ATF7IP: variants seen among roughly 807,000 people sequenced by gnomAD.
The protein encoded by ATF7IP is activating transcription factor 7-interacting protein 1.
ATF7IP carries 23 observed loss-of-function variants against 106.4 expected under a neutral mutation model. The ratio of observed to expected loss-of-function variants is 0.22; its 90% confidence interval spans 0.16 to 0.31. The LOEUF is 0.31. Among genes scored for constraint, ATF7IP ranks in the 10% least tolerant of loss-of-function variants. ATF7IP has a pLI of 1.00. For synonymous variants in ATF7IP, 542 were observed against 539.0 expected (o/e 1.01, Z -0.08); for missense variants, 1,334 against 1,524.3 (o/e 0.88, Z 2.08).
At chr12:14,440,884 G>A (rs11055974) in intron 5 of ATF7IP, among the ~76,000 whole-genome samples, 13 of 152,088 alleles carry the variant, frequency 8.5e-5, no homozygotes, top group African/African-American at 2.4e-4. Context: ...AGCTTAATCT[G>A]TGTTTGTAGC....
intron 10 of ATF7IP, among the ~76,000 whole-genome samples, chr12:14,469,531 A>G (rs1241087136): frequency 1.3e-5 from 2 of 151,592 alleles, no homozygotes; most frequent in Non-Finnish European, 2.9e-5. Flanking sequence ...ATAATTTATT[A>G]TTGTATATTT....
intron 1 of ATF7IP, among the ~76,000 whole-genome samples, chr12:14,416,229 T>C (rs1941200134): frequency 2.0e-5 from 3 of 151,968 alleles, no homozygotes; most frequent in Admixed American, 2.0e-4. Flanking sequence ...AATAGCAGAG[T>C]TGCATTTCTA....
intron 1 of ATF7IP, among the ~76,000 whole-genome samples, chr12:14,369,509 C>T (rs1938447713): frequency 6.6e-6 from 1 of 151,962 alleles, no homozygotes; most frequent in East Asian, 1.9e-4. Flanking sequence ...ACCACCATGC[C>T]CTGCTTTTAG....
At chr12:14,456,512 C>T in intron 6 of ATF7IP, 49 bp from the exon 7 acceptor site, 2 of 1,328,882 alleles carry the variant, frequency 1.5e-6, no homozygotes, top group East Asian at 2.3e-5. Context: ...TTTAAAGATT[C>T]CCTGTGTGTT....
intron 5 of ATF7IP, among the ~76,000 whole-genome samples, chr12:14,443,212 A>G (rs1942795669): frequency 1.3e-5 from 2 of 152,158 alleles, no homozygotes; most frequent in South Asian, 4.1e-4. Context: ...ATAGTCAAAG[A>G]TCTATTTCTG....
At chr12:14,454,654 A>G (rs1285699637) in intron 6 of ATF7IP, among the ~76,000 whole-genome samples, 1 of 152,106 alleles carries the variant, frequency 6.6e-6, no homozygotes, top group African/African-American at 2.4e-5. Flanking sequence ...CTCTCAACTA[A>G]TTTGTGGAAA....
intron 9 of ATF7IP, among the ~76,000 whole-genome samples, chr12:14,464,176 G>T (rs949776339): frequency 6.6e-6 from 1 of 152,114 alleles, no homozygotes; most frequent in Non-Finnish European, 1.5e-5. Flanking sequence ...GCTTGGCATG[G>T]TGATACATGC....
Position 14,478,318 on chromosome 12 carries a change from C to A in ATF7IP, c.2943C>A (p.Asp981Glu), listed in dbSNP as rs1340821840. Residue 981 changes from aspartate to glutamate, a missense_variant and splice_region_variant, in exon 12 of 15, where the codon GAC becomes GAA. This residue lies in a region of ATF7IP where 370 missense variants were observed against 401.2 expected (regional missense o/e 0.92). Transcript: ENST00000261168. ...MDDEESGASQDPKKLNHTPVS... is the reference protein window; with the variant it reads ...MDDEESGASQEPKKLNHTPVS... ...TAATATTTCACTTTTAACTAACAGA[C>A]CCCAAAAAACTAAATCACACTCCTG... 3 of 1,613,490 alleles carry A rather than the reference C, an allele frequency of 1.9e-6. No individual in the cohort carries two copies. Among genetic ancestry groups the A allele is most frequent in the Non-Finnish European group, 2.5e-6 (3 of 1,179,614 alleles).
intron 1 of ATF7IP, among the ~76,000 whole-genome samples, chr12:14,379,281 T>A (rs776861987): frequency 9.2e-5 from 14 of 152,088 alleles, no homozygotes; most frequent in Non-Finnish European, 1.6e-4. Context: ...ATGCTCCCCC[T>A]TTGCCTTCCA....
intron 1 of ATF7IP, among the ~76,000 whole-genome samples, chr12:14,410,594 T>C (rs1940858483): frequency 6.6e-6 from 1 of 152,096 alleles, no homozygotes; most frequent in Non-Finnish European, 1.5e-5. Flanking sequence ...TTTGACTTAA[T>C]AAAGGAAAGA....
At chr12:14,370,454 A>G (rs916840988) in intron 1 of ATF7IP, among the ~76,000 whole-genome samples, 10 of 151,994 alleles carry the variant, frequency 6.6e-5, no homozygotes, top group African/African-American at 2.4e-4. Flanking sequence ...TCACAATTCT[A>G]TTTTACAATT....
intron 6 of ATF7IP, among the ~76,000 whole-genome samples, chr12:14,447,618 C>T (rs1218333138): frequency 2.0e-5 from 3 of 152,070 alleles, no homozygotes; most frequent in Admixed American, 6.6e-5. Context: ...TATTTTCTGT[C>T]CATCTTTAAA....
chr12:14,419,024 T>C (rs1250609793), intron 1 of ATF7IP: 1 of 152,172 alleles, frequency 6.6e-6, no homozygotes, highest in Non-Finnish European at 1.5e-5. Context: ...AAAAACATTA[T>C]CCTGAATATT....
intron 8 of ATF7IP, among the ~76,000 whole-genome samples, chr12:14,458,825 A>G (rs75341537): frequency 6.8e-6 from 1 of 146,284 alleles, no homozygotes; most frequent in Non-Finnish European, 1.5e-5. Flanking sequence ...CTTGTCTTAG[A>G]AAAAAAAAAA....
intron 13 of ATF7IP, among the ~76,000 whole-genome samples, chr12:14,490,600 C>A (rs552125858): frequency 2.0e-5 from 3 of 152,246 alleles, no homozygotes; most frequent in East Asian, 3.9e-4. Context: ...TGTGTACTTG[C>A]CGGTGGTGCC....
At chr12:14,488,977 A>G (rs779255069) in intron 13 of ATF7IP, among the ~76,000 whole-genome samples, 4 of 152,238 alleles carry the variant, frequency 2.6e-5, no homozygotes, top group South Asian at 2.1e-4. Context: ...CATTTCTGCA[A>G]CTGGTCACAT....
At chr12:14,373,645 T>C (rs1016131824) in intron 1 of ATF7IP, among the ~76,000 whole-genome samples, 7 of 152,212 alleles carry the variant, frequency 4.6e-5, no homozygotes. Flanking sequence ...TATTAATGAA[T>C]AGCATTTTCT....
intron 10 of ATF7IP, 130 bp downstream of exon 10, chr12:14,466,720 A>C: frequency 1.0e-4 from 75 of 716,646 alleles, no homozygotes; most frequent in East Asian, 4.3e-4. Flanking sequence ...ACATTGTCTC[A>C]CAGCTTCTCT....
chr12:14,478,996 C>T (rs1467623797), intron 12 of ATF7IP, among the ~76,000 whole-genome samples: 2 of 152,102 alleles, frequency 1.3e-5, no homozygotes, highest in Admixed American at 6.5e-5. Flanking sequence ...CTTGGCTGCG[C>T]AAAATAATGT....
Sources: gnomAD v4.1 joint callset for allele counts (sites outside exome capture counted in the v4.1 genomes callset) on GRCh38, gnomAD v4.1.1 for gene constraint, gnomAD v4.1.1 regional missense constraint, MANE v1.5 for transcripts, NCBI Gene and HGNC (gene_info 2026-07-23, HGNC 2026-07-21) for gene names.